The following CPEB2 variants were observed in gnomAD, a reference collection of about 807,000 sequenced individuals.
CPEB2 encodes cytoplasmic polyadenylation element-binding protein 2.
CPEB2 carries 56 observed loss-of-function variants against 93.6 expected under a neutral mutation model. That is an observed-to-expected ratio of 0.60 (90% CI 0.48 to 0.75). The LOEUF (loss-of-function observed/expected upper bound fraction) is 0.75, where lower values mean the gene tolerates loss of function less well. Among genes scored for constraint, CPEB2 ranks in the 30% least tolerant of loss-of-function variants. The pLI is 0.00. For synonymous variants in CPEB2, 764 were observed against 586.3 expected (o/e 1.30, Z -4.38); for missense variants, 1,579 against 1,395.1 (o/e 1.13, Z -2.10).
At chr4:15,028,399 T>A (rs1354239329) in intron 4 of CPEB2, among the ~76,000 whole-genome samples, 1 of 152,070 alleles carries the variant, frequency 6.6e-6, no homozygotes, top group Non-Finnish European at 1.5e-5. Context: ...TTAAGGTATT[T>A]GTGTTTTTGA....
chr4:15,028,424 T>C (rs761912368), intron 4 of CPEB2, among the ~76,000 whole-genome samples: 1 of 152,112 alleles, frequency 6.6e-6, no homozygotes, highest in Non-Finnish European at 1.5e-5. Flanking sequence ...GTCCATAGTT[T>C]ACATAGTAGA....
At chr4:15,030,453 C>T (rs1045690451) in intron 4 of CPEB2, among the ~76,000 whole-genome samples, 2 of 151,964 alleles carry the variant, frequency 1.3e-5, no homozygotes, top group African/African-American at 4.8e-5. Context: ...CTCATAGGAT[C>T]GTTCTTAGGA....
chr4:15,063,946 C>G (rs1729449913), intron 11 of CPEB2: 1 of 152,044 alleles, frequency 6.6e-6, no homozygotes, highest in South Asian at 2.1e-4. Flanking sequence ...ACTAATATTG[C>G]TTATACAAAG....
At chr4:15,031,213 C>G (rs369722452) in intron 4 of CPEB2, among the ~76,000 whole-genome samples, 3 of 151,850 alleles carry the variant, frequency 2.0e-5, no homozygotes, top group East Asian at 1.9e-4. Flanking sequence ...CTGTCAGTAT[C>G]GTAGATTTAA....
At chr4:15,059,420 C>G in intron 10 of CPEB2, 119 bp downstream of exon 10, 2 of 518,886 alleles carry the variant, frequency 3.9e-6, no homozygotes, top group South Asian at 3.8e-5. Flanking sequence ...GGAGCAGATT[C>G]TGCATGCACC....
chr4:15,006,002 T>C (rs1302160250), intron 1 of CPEB2, among the ~76,000 whole-genome samples: 1 of 152,176 alleles, frequency 6.6e-6, no homozygotes, highest in Non-Finnish European at 1.5e-5. Flanking sequence ...TAACTGTAAT[T>C]TGCTTTTGGA....
intron 6 of CPEB2, among the ~76,000 whole-genome samples, chr4:15,045,118 AG>A (rs1349840455): frequency 8.5e-5 from 13 of 152,174 alleles, no homozygotes; most frequent in African/African-American, 3.1e-4. Flanking sequence ...CTTCTACCGA[AG>A]GAAGGCTTTT....
At chr4:15,047,914 GT>G (rs567657399) in intron 6 of CPEB2, among the ~76,000 whole-genome samples, 3,135 of 139,774 alleles carry the variant, frequency 0.022, 84 homozygotes, top group African/African-American at 0.066. Flanking sequence ...GGGAGTTGTG[GT>G]TTTTTTTTTT....
At chr4:15,006,833 A>C (rs1238549209) in intron 1 of CPEB2, among the ~76,000 whole-genome samples, 1 of 152,200 alleles carries the variant, frequency 6.6e-6, no homozygotes, top group Admixed American at 6.5e-5. Context: ...TAGTAGTGCA[A>C]CTTGTTTTGG....
At chr4:15,045,114 C>A (rs569909269) in intron 6 of CPEB2, among the ~76,000 whole-genome samples, 12 of 152,254 alleles carry the variant, frequency 7.9e-5, no homozygotes, top group African/African-American at 2.2e-4. Context: ...ATATCTTCTA[C>A]CGAAGGAAGG....
At chr4:15,016,144 C>T (rs1199256259) in intron 3 of CPEB2, among the ~76,000 whole-genome samples, 1 of 151,924 alleles carries the variant, frequency 6.6e-6, no homozygotes, top group East Asian at 1.9e-4. Flanking sequence ...CAGATTCTTC[C>T]TTTCCATTTT....
chr4:15,034,036 C>T (rs1726371425), intron 5 of CPEB2, among the ~76,000 whole-genome samples: 1 of 152,070 alleles, frequency 6.6e-6, no homozygotes, highest in African/African-American at 2.4e-5. Flanking sequence ...ACATGTGAAG[C>T]TAGACTATGT....
intron 3 of CPEB2, 38 bp from the exon 4 acceptor site, chr4:15,017,150 G>T: frequency 8.6e-7 from 1 of 1,166,836 alleles, no homozygotes; most frequent in Non-Finnish European, 1.3e-6. Context: ...TGAAAAAACT[G>T]CATAGATTAT....
At chr4:15,025,144 G>C (rs187932150) in intron 4 of CPEB2, among the ~76,000 whole-genome samples, 2 of 151,456 alleles carry the variant, frequency 1.3e-5, no homozygotes, top group East Asian at 3.9e-4. Flanking sequence ...CCATTGTTTT[G>C]TCTCTTGTTT....
At chr4:15,038,643 C>T (rs181136934) in intron 5 of CPEB2, among the ~76,000 whole-genome samples, 2 of 149,456 alleles carry the variant, frequency 1.3e-5, no homozygotes, top group African/African-American at 5.0e-5. Flanking sequence ...GGCTGGATTG[C>T]AGTGGCGCTA....
At chr4:15,031,140 A>G (rs950714866) in intron 4 of CPEB2, among the ~76,000 whole-genome samples, 10 of 152,144 alleles carry the variant, frequency 6.6e-5, no homozygotes, top group Admixed American at 3.3e-4. Context: ...ATTTGTGTCT[A>G]TCTCCCCTAC....
At position 15,003,910 on chromosome 4, in the gene CPEB2, C is replaced by T. The variant is rs1722391494; in HGVS notation, c.1237C>T (p.Pro413Ser). 2 of 990,408 alleles carry T rather than the reference C, an allele frequency of 2.0e-6. No individual in the cohort carries two copies. 61.4% of individuals were successfully genotyped at this position (990,408 alleles called of 1,614,324 possible). Residue 413 changes from proline to serine, a missense_variant, in exon 1 of 12, where the codon CCC (proline) becomes TCC (serine). Physicochemically the swap from Pro to Ser is moderately conservative, Grantham distance 74. Coordinates refer to ENST00000538197, the MANE Select transcript of CPEB2 (RefSeq NM_001177382.2). ...GCAGCCGCCGCCACCCCAGCAGCCG[C>T]CCCAGCCGCAGCCGCAGCCGCCCGG... is the stretch of plus-strand genomic sequence containing the variant. ...QQQPPPPQQP[P>S]QPQPQPPGSS...
chr4:15,026,496 G>A (rs1192487676), intron 4 of CPEB2, among the ~76,000 whole-genome samples: 1 of 152,018 alleles, frequency 6.6e-6, no homozygotes, highest in African/African-American at 2.4e-5. Context: ...AAAATGCTTG[G>A]GATTACAGGC....
At chr4:15,033,288 TC>T in intron 5 of CPEB2, 77 bp downstream of exon 5, 1 of 874,996 alleles carries the variant, frequency 1.1e-6, no homozygotes, top group Non-Finnish European at 1.9e-6. Context: ...TCTGAACCTG[TC>T]CATACACACA....
Sources: allele counts gnomAD v4.1 joint callset (sites outside exome capture counted in the v4.1 genomes callset), GRCh38; gene constraint gnomAD v4.1.1; transcripts MANE v1.5; gene names NCBI Gene and HGNC (gene_info 2026-07-23, HGNC 2026-07-21).